The following ADARB2 variants were observed in gnomAD, a reference collection of about 807,000 sequenced individuals.
The protein encoded by ADARB2 is inactive double-stranded RNA-specific editase B2.
In ADARB2, 25 loss-of-function variants were observed where a neutral mutation model predicts 62.2. That is an observed-to-expected ratio of 0.40 (90% CI 0.29 to 0.56). The LOEUF is 0.56. ADARB2 is among the 20% of genes least tolerant of loss of function. The pLI, the probability that ADARB2 is intolerant of heterozygous loss-of-function variation, is 0.43. For missense variants in ADARB2, 1,071 were observed against 1,077.4 expected, an observed-to-expected ratio of 0.99 and a Z score of 0.08; for synonymous variants, 572 against 500.8, an observed-to-expected ratio of 1.14 and a Z score of -1.90.
intron 1 of ADARB2, among the ~76,000 whole-genome samples, chr10:1,529,481 C>T (rs911232796): frequency 3.3e-5 from 5 of 152,164 alleles, no homozygotes; most frequent in South Asian, 4.1e-4. Flanking sequence ...TGCCTGAATC[C>T]GCCCCTGCAC....
chr10:1,465,405 C>T (rs1831241426), intron 1 of ADARB2, among the ~76,000 whole-genome samples: 1 of 152,214 alleles, frequency 6.6e-6, no homozygotes, highest in Admixed American at 6.5e-5. Flanking sequence ...AGGAAGCAGC[C>T]AGGGCTTCTC....
intron 1 of ADARB2, among the ~76,000 whole-genome samples, chr10:1,622,589 T>C (rs1833716899): frequency 6.6e-6 from 1 of 152,110 alleles, no homozygotes. Flanking sequence ...ATACCGTCAT[T>C]AGTAATTAGG....
intron 3 of ADARB2, among the ~76,000 whole-genome samples, chr10:1,313,820 C>G (rs1036718891): frequency 6.6e-6 from 1 of 152,244 alleles, no homozygotes; most frequent in African/African-American, 2.4e-5. Flanking sequence ...AACCTTCCTT[C>G]TGAGGTTGTA....
chr10:1,182,947 A>C lies in ADARB2; in HGVS notation c.*246T>G. ...CCCCTCCCTCAGACTCCACAGGAAG[A>C]GTCGGCGCTAACTCAACAGTGCATG... On this transcript the variant is annotated 3_prime_UTR_variant, in exon 10 of 10. Coordinates refer to ENST00000381312, the MANE Select transcript of ADARB2 (RefSeq NM_018702.4). 2.1e-6 allele frequency: 1 copy of C among 487,422 alleles called. No individual in the cohort carries two copies. Among genetic ancestry groups the C allele is most frequent in the South Asian group, 2.7e-5 (1 of 37,412 alleles). The allele number at this position is 487,422 out of a possible 1,614,324, so 30.2% of individuals were successfully genotyped here.
At chr10:1,631,686 G>C (rs946072066) in intron 1 of ADARB2, among the ~76,000 whole-genome samples, 7 of 152,190 alleles carry the variant, frequency 4.6e-5, no homozygotes, top group African/African-American at 1.4e-4. Flanking sequence ...GGACGACGCT[G>C]TGTGGGCTGC....
rs115069454 is a variant in ADARB2, at chr10:1,606,100, C to T, written c.100+130951G>A. Among the ~76,000 whole-genome samples, 719 of 152,308 alleles carry T rather than the reference C, an allele frequency of 4.7e-3. 3 individuals are homozygous for T. Among genetic ancestry groups the T allele is most frequent in the African/African-American group, 0.016 (674 of 41,568 alleles). ...ATTACACGCAATTCAAGATCATTCC[C>T]GTTGGTGATTCCTGGGCTGGGTTTC... On this transcript the variant is annotated intron_variant, in intron 1 of 9. Transcript: ENST00000381312.
At chr10:1,542,876 C>T (rs1198352746) in intron 1 of ADARB2, among the ~76,000 whole-genome samples, 11 of 145,184 alleles carry the variant, frequency 7.6e-5, no homozygotes, top group African/African-American at 2.7e-4. Flanking sequence ...AGTTCAGACC[C>T]TGGATCACAG....
chr10:1,599,921 T>C (rs1014800937), intron 1 of ADARB2, among the ~76,000 whole-genome samples: 1 of 152,054 alleles, frequency 6.6e-6, no homozygotes, highest in Admixed American at 6.5e-5. Context: ...TTTTGTATTT[T>C]TTTTCTAGAA....
At chr10:1,518,189 T>C (rs1468957180) in intron 1 of ADARB2, among the ~76,000 whole-genome samples, 6 of 152,204 alleles carry the variant, frequency 3.9e-5, no homozygotes, top group Non-Finnish European at 5.9e-5. Flanking sequence ...GAAGATACTG[T>C]GTTGGCCGCA....
chr10:1,443,143 A>G (rs58567552), intron 1 of ADARB2, among the ~76,000 whole-genome samples: 9,649 of 152,310 alleles, frequency 0.063, 324 homozygotes, highest in East Asian at 0.082. Flanking sequence ...GTACAAAGTG[A>G]TGTAAATTTT....
intron 3 of ADARB2, among the ~76,000 whole-genome samples, chr10:1,319,206 A>G (rs1230898433): frequency 2.6e-5 from 4 of 152,246 alleles, no homozygotes; most frequent in African/African-American, 9.6e-5. Flanking sequence ...GGACACCCCA[A>G]AACAATGAGG....
chr10:1,385,481 CAT>C (rs1832518050), intron 1 of ADARB2, among the ~76,000 whole-genome samples: 1 of 151,912 alleles, frequency 6.6e-6, no homozygotes, highest in South Asian at 2.1e-4. Context: ...AGCTCAAAAA[CAT>C]AACATTTGAA....
chr10:1,597,351 G>T (rs1379211649), intron 1 of ADARB2, among the ~76,000 whole-genome samples: 3 of 152,096 alleles, frequency 2.0e-5, no homozygotes, highest in Non-Finnish European at 2.9e-5. Context: ...CAGAATAGGA[G>T]AAATATTTGC....
At chr10:1,591,270 G>C (rs1833249400) in intron 1 of ADARB2, among the ~76,000 whole-genome samples, 1 of 152,176 alleles carries the variant, frequency 6.6e-6, no homozygotes, top group South Asian at 2.1e-4. Context: ...CCCTGCCTCG[G>C]CCACACTGCA....
At chr10:1,508,753 A>T (rs1346550133) in intron 1 of ADARB2, among the ~76,000 whole-genome samples, 1 of 152,230 alleles carries the variant, frequency 6.6e-6, no homozygotes, top group Non-Finnish European at 1.5e-5. Flanking sequence ...ACTACACTCC[A>T]GCCTGGGTGA....
chr10:1,367,249 G>C (rs1313806919), intron 2 of ADARB2, among the ~76,000 whole-genome samples: 1 of 152,208 alleles, frequency 6.6e-6, no homozygotes, highest in Non-Finnish European at 1.5e-5. Context: ...ACCACCACCT[G>C]GGTTCTCCTG....
chr10:1,375,838 CCGCACACATG>C (rs1832420636), intron 2 of ADARB2, among the ~76,000 whole-genome samples: 2 of 145,770 alleles, frequency 1.4e-5, no homozygotes, highest in African/African-American at 5.0e-5. Context: ...CGTGCACACA[CCGCACACATG>C]CACACACATG....
chr10:1,356,934 C>G (rs982338246), intron 3 of ADARB2, among the ~76,000 whole-genome samples: 1 of 152,256 alleles, frequency 6.6e-6, no homozygotes, highest in African/African-American at 2.4e-5. Flanking sequence ...GAGTTACACA[C>G]TGAGACCTTT....
chr10:1,718,286 C>T (rs1320910980), intron 1 of ADARB2, among the ~76,000 whole-genome samples: 1 of 152,206 alleles, frequency 6.6e-6, no homozygotes, highest in African/African-American at 2.4e-5. Flanking sequence ...TCCCACTCTC[C>T]ATGTTCCTTG....
Sources: allele counts gnomAD v4.1 joint callset (sites outside exome capture counted in the v4.1 genomes callset), GRCh38; gene constraint gnomAD v4.1.1; transcripts MANE v1.5; gene names NCBI Gene and HGNC (gene_info 2026-07-23, HGNC 2026-07-21).